The following EIF4H variants were observed in gnomAD, a reference collection of about 807,000 sequenced individuals.
EIF4H encodes eukaryotic translation initiation factor 4H.
EIF4H carries 8 observed loss-of-function variants against 30.6 expected under a neutral mutation model. The ratio of observed to expected loss-of-function variants is 0.26; its 90% CI spans 0.15 to 0.47. The LOEUF (loss-of-function observed/expected upper bound fraction) is 0.47, where lower values mean the gene tolerates loss of function less well. EIF4H is among the 20% of genes least tolerant of loss of function. The pLI, the probability that EIF4H is intolerant of heterozygous loss-of-function variation, is 0.99. For missense variants in EIF4H, 188 were observed against 339.5 expected, an observed-to-expected ratio of 0.55 and a Z score of 3.51; for synonymous variants, 106 against 122.7, an observed-to-expected ratio of 0.86 and a Z score of 0.90.
At chr7:74,183,066 C>G (rs1221531421) in intron 1 of EIF4H, among the ~76,000 whole-genome samples, 1 of 152,164 alleles carries the variant, frequency 6.6e-6, no homozygotes, top group African/African-American at 2.4e-5. Flanking sequence ...TGTGCCTTCT[C>G]TACATTCTCT....
chr7:74,176,378 C>T (rs1800840057), intron 1 of EIF4H, among the ~76,000 whole-genome samples: 1 of 151,998 alleles, frequency 6.6e-6, no homozygotes, highest in South Asian at 2.1e-4. Flanking sequence ...GCTGGGATTA[C>T]AGGCATTAGC....
chr7:74,192,000 C>T (rs896603420), intron 5 of EIF4H, among the ~76,000 whole-genome samples: 11 of 152,000 alleles, frequency 7.2e-5, no homozygotes, highest in Admixed American at 3.3e-4. Flanking sequence ...AGGATGGTCT[C>T]GATCTCCTGA....
At chr7:74,189,528 C>G in intron 2 of EIF4H, 145 bp from the exon 3 acceptor site, 1 of 798,550 alleles carries the variant, frequency 1.3e-6, no homozygotes, top group Non-Finnish European at 2.0e-6. Flanking sequence ...AGTCAGGGTT[C>G]TATCTATTGA....
intron 5 of EIF4H, among the ~76,000 whole-genome samples, chr7:74,193,401 C>T (rs1462919297): frequency 1.3e-5 from 2 of 152,106 alleles, no homozygotes; most frequent in African/African-American, 4.8e-5. Flanking sequence ...ATTTTAGCGA[C>T]TGGGTGGATT....
chr7:74,187,486 T>C (rs1436122859), intron 1 of EIF4H, 125 bp from the exon 2 acceptor site: 7 of 976,610 alleles, frequency 7.2e-6, no homozygotes, highest in Admixed American at 6.0e-5. Flanking sequence ...TGTAACAGTC[T>C]TGTGGTACAT....
At position 74,187,629 on chromosome 7, in the gene EIF4H, T is replaced by C. The variant is rs965129504; in HGVS notation, c.78T>C (p.Gly26=). 6.2e-7 allele frequency: 1 copy of C among 1,607,928 alleles called. No individual in the cohort carries two copies. Among genetic ancestry groups the C allele is most frequent in the African/African-American group, 1.3e-5 (1 of 74,734 alleles). ...CTCCTAGGTCCCGCGGCAGTGCTGG[T>C]GGCCATGGTTCCCGTAGCCAGAAGG... ...GGGRGSRGSA[G]GHGSRSQKEL... is the part of the protein sequence containing the mutation. The change falls in exon 2 of 7, where the codon GGT becomes GGC. Residue 26 remains glycine, a synonymous_variant. Transcript: ENST00000265753.
chr7:74,195,035 A>G, intron 6 of EIF4H, 134 bp from the exon 7 acceptor site: 3 of 1,516,956 alleles, frequency 2.0e-6, no homozygotes, highest in Non-Finnish European at 2.7e-6. Flanking sequence ...TCATTAGAGC[A>G]TCTGCTGTTG....
chr7:74,190,817 A>G (rs1214959294), intron 5 of EIF4H, among the ~76,000 whole-genome samples: 1 of 152,100 alleles, frequency 6.6e-6, no homozygotes, highest in Non-Finnish European at 1.5e-5. Flanking sequence ...GTGGTATAGC[A>G]CAAAGCATCA....
chr7:74,189,758 T>G, intron 3 of EIF4H, 21 bp downstream of exon 3: 1 of 1,614,256 alleles, frequency 6.2e-7, no homozygotes, highest in Non-Finnish European at 8.5e-7. Flanking sequence ...TCGGGTTTTC[T>G]CTGTCATAGC....
chr7:74,190,017 G>C lies in EIF4H; in HGVS notation c.409+99G>C, dbSNP rs778114976. The C allele has an allele frequency of 7.2e-5, 98 of 1,355,516 alleles. 1 individual carries two copies. The highest frequency in any genetic ancestry group is 2.7e-5 in the Non-Finnish European group (27 of 986,990). 84.0% of individuals were successfully genotyped at this position (1,355,516 alleles called of 1,614,324 possible). A position where few individuals can be genotyped will look rare whatever the true frequency, so the allele number is the denominator to read the frequency against. On this transcript the variant is annotated intron_variant, in intron 4 of 6. Transcript: ENST00000265753. ...CTAGTAGAACTCGATTATCTCATAG[G>C]TGTGATAGGTTCTCGTGAGCTCTTA...
chr7:74,186,997 C>T (rs758802027), intron 1 of EIF4H, among the ~76,000 whole-genome samples: 5 of 151,956 alleles, frequency 3.3e-5, no homozygotes, highest in Non-Finnish European at 5.9e-5. Context: ...CTGAATACAA[C>T]ATTACTTCTA....
chr7:74,178,981 G>A (rs576746651), intron 1 of EIF4H, among the ~76,000 whole-genome samples: 31 of 152,254 alleles, frequency 2.0e-4, no homozygotes, highest in African/African-American at 6.3e-4. Flanking sequence ...TAGGGGGGCC[G>A]TCACCTCCCT....
At chr7:74,192,714 G>C (rs892689592) in intron 5 of EIF4H, among the ~76,000 whole-genome samples, 7 of 116,748 alleles carry the variant, frequency 6.0e-5, no homozygotes, top group African/African-American at 2.6e-4. Context: ...GGCTCACTCT[G>C]TTGCCCAGGC....
chr7:74,175,899 C>G (rs1800828520), intron 1 of EIF4H, among the ~76,000 whole-genome samples: 1 of 152,110 alleles, frequency 6.6e-6, no homozygotes, highest in Non-Finnish European at 1.5e-5. Flanking sequence ...GCCAGCTCTT[C>G]TGGTGTCAAA....
chr7:74,192,901 C>T (rs1484329063), intron 5 of EIF4H, among the ~76,000 whole-genome samples: 2 of 152,072 alleles, frequency 1.3e-5, no homozygotes, highest in Non-Finnish European at 2.9e-5. Flanking sequence ...TGGTCTCGAA[C>T]TCCCAGCCTC....
intron 1 of EIF4H, among the ~76,000 whole-genome samples, chr7:74,185,732 G>A (rs184390433): frequency 6.6e-6 from 1 of 152,200 alleles, no homozygotes; most frequent in South Asian, 2.1e-4. Flanking sequence ...GAAAGACCAG[G>A]TTGCTCTCTA....
At chr7:74,179,685 A>G (rs1291830042) in intron 1 of EIF4H, among the ~76,000 whole-genome samples, 1 of 151,698 alleles carries the variant, frequency 6.6e-6, no homozygotes, top group African/African-American at 2.4e-5. Flanking sequence ...ATCCTTTACC[A>G]GTGCATACAT....
rs781966462 is a variant in EIF4H at position 74,189,929 on chromosome 7, C to T, written c.409+11C>T. ...GACCAGATGACAGAGGTGATTGGTT[C>T]TTCTAAAGCTGAACATCATAAAGAT... On this transcript the variant is annotated intron_variant, in intron 4 of 6. Coordinates refer to ENST00000265753, the MANE Select transcript of EIF4H (RefSeq NM_022170.2). 28 of 1,613,266 alleles carry T rather than the reference C, an allele frequency of 1.7e-5. No homozygotes were observed. Among genetic ancestry groups the T allele is most frequent in the Non-Finnish European group, 2.4e-5 (28 of 1,179,802 alleles).
rs200345174 is a variant in EIF4H at position 74,174,375 on chromosome 7, A to C, written c.-9A>C. 47 of 1,452,622 alleles carry C rather than the reference A, an allele frequency of 3.2e-5. No homozygotes were observed. In the East Asian group the frequency reaches 1.4e-3, roughly 43 times the overall value. The allele number at this position is 1,452,622 out of a possible 1,614,324, so 90.0% of individuals were successfully genotyped here. On this transcript the variant is annotated 5_prime_UTR_variant, in exon 1 of 7. Transcript: ENST00000265753. ...CTCACCCTGGTTCCTCTCGGAGCGGAGACGGCAAATGGCGGACTTCGACAC... is the reference window on the plus strand; with the variant it reads ...CTCACCCTGGTTCCTCTCGGAGCGGCGACGGCAAATGGCGGACTTCGACAC...
Sources: gnomAD v4.1 joint callset for allele counts (sites outside exome capture counted in the v4.1 genomes callset) on GRCh38, gnomAD v4.1.1 for gene constraint, MANE v1.5 for transcripts, NCBI Gene and HGNC (gene_info 2026-07-23, HGNC 2026-07-21) for gene names.